Variants in FBXW11 observed in about 807,000 individuals in gnomAD.
FBXW11 encodes the protein F-box/WD repeat-containing protein 11.
A neutral mutation model predicts 77.6 loss-of-function variants in FBXW11; 19 were observed. The observed-to-expected ratio is 0.24, with a 90% CI of 0.17 to 0.36. The LOEUF is 0.36. FBXW11 is among the 10% of genes least tolerant of loss of function. The pLI is 1.00. For missense variants in FBXW11, 334 were observed against 704.2 expected (o/e 0.47, Z 5.95); for synonymous variants, 235 against 249.4 (o/e 0.94, Z 0.54).
intron 1 of FBXW11, among the ~76,000 whole-genome samples, chr5:171,966,381 C>A (rs1764187128): frequency 6.6e-6 from 1 of 152,066 alleles, no homozygotes; most frequent in African/African-American, 2.4e-5. Flanking sequence ...CAACTACCAC[C>A]CATGATTCAA....
intron 2 of FBXW11, among the ~76,000 whole-genome samples, chr5:171,917,032 C>T (rs576411159): frequency 2.6e-5 from 4 of 152,184 alleles, no homozygotes; most frequent in South Asian, 2.1e-4. Flanking sequence ...GCGATTCTCC[C>T]GCCTCAGCCT....
rs778327855 is a variant in FBXW11 at position 171,998,336 on chromosome 5, C to CTTTTTTTTT, written c.45+8113_45+8121dup. 3.8e-3 allele frequency among the ~76,000 whole-genome samples: 436 copies of CTTTTTTTTT among 114,794 alleles called. 39 individuals carry two copies. The highest frequency in any genetic ancestry group is 0.017 in the African/African-American group (416 of 23,996). The allele number at this position is 114,794 out of a possible 152,430, so 75.3% of individuals were successfully genotyped here. Reference sequence around the variant, plus strand: ...ACAGCCCATGATATTTTTTTCTTGTCTTTTTTTTTTTTTTTTTAAGTAGAG... The same window carrying CTTTTTTTTT: ...ACAGCCCATGATATTTTTTTCTTGTCTTTTTTTTTTTTTTTTTTTTTTTTTTAAGTAGAG... On this transcript the variant is annotated intron_variant, in intron 1 of 13. Transcript: ENST00000517395.
chr5:171,894,687 T>G (rs1759617465), intron 6 of FBXW11, among the ~76,000 whole-genome samples: 1 of 55,062 alleles, frequency 1.8e-5, no homozygotes, highest in Admixed American at 2.9e-4. Flanking sequence ...ATAACCCAGG[T>G]CTTTTTTTTT....
intron 6 of FBXW11, among the ~76,000 whole-genome samples, chr5:171,895,256 T>G (rs1759665441): frequency 6.6e-6 from 1 of 152,220 alleles, no homozygotes; most frequent in African/African-American, 2.4e-5. Context: ...TTCAAAATAC[T>G]GGGAAAGTAG....
At chr5:171,989,130 T>C (rs1402267341) in intron 1 of FBXW11, among the ~76,000 whole-genome samples, 1 of 152,038 alleles carries the variant, frequency 6.6e-6, no homozygotes, top group African/African-American at 2.4e-5. Flanking sequence ...TGAACTGAAA[T>C]TGCACCACTG....
chr5:171,960,113 C>A (rs951363315), intron 1 of FBXW11, among the ~76,000 whole-genome samples: 1 of 152,160 alleles, frequency 6.6e-6, no homozygotes, highest in Non-Finnish European at 1.5e-5. Flanking sequence ...AGGTGGCTCA[C>A]GCCTATAGCC....
At chr5:171,996,165 C>A (rs1051596727) in intron 1 of FBXW11, among the ~76,000 whole-genome samples, 1 of 152,170 alleles carries the variant, frequency 6.6e-6, no homozygotes, top group African/African-American at 2.4e-5. Flanking sequence ...AGACGACCTG[C>A]CAAGAGACCT....
chr5:171,864,453 T>C (rs1757260638), intron 13 of FBXW11, among the ~76,000 whole-genome samples: 1 of 152,214 alleles, frequency 6.6e-6, no homozygotes, highest in African/African-American at 2.4e-5. Context: ...TCTGAAAAAG[T>C]ACACATATAA....
At chr5:172,005,977 T>TG (rs1766734771) in intron 1 of FBXW11, among the ~76,000 whole-genome samples, 2 of 151,330 alleles carry the variant, frequency 1.3e-5, no homozygotes, top group South Asian at 4.2e-4. Flanking sequence ...GGCTGGGGAG[T>TG]GGGTGCTGAG....
chr5:171,907,943 T>G (rs1581182873), intron 4 of FBXW11, among the ~76,000 whole-genome samples: 1 of 152,084 alleles, frequency 6.6e-6, no homozygotes, highest in Admixed American at 6.5e-5. Context: ...AAATACAAGG[T>G]GAGTTCCCTG....
chr5:171,963,304 G>A (rs1488734961), intron 1 of FBXW11, among the ~76,000 whole-genome samples: 1 of 151,922 alleles, frequency 6.6e-6, no homozygotes, highest in Admixed American at 6.6e-5. Context: ...GGCAGCCAGG[G>A]GAAAAAGAGA....
rs1210550019 is a variant in FBXW11 at position 171,870,697 on chromosome 5, TTTC to T, written c.1451+48_1451+50del. 2.2e-6 allele frequency: 3 copies of T among 1,377,770 alleles called. No homozygotes were observed. The South Asian group carries it at 3.5e-5, about 16-fold the overall frequency. The allele number at this position is 1,377,770 out of a possible 1,614,324, so 85.3% of individuals were successfully genotyped here. A position where few individuals can be genotyped will look rare whatever the true frequency, so the allele number is the denominator to read the frequency against. On this transcript the variant is annotated intron_variant, in intron 11 of 13. Transcript: ENST00000517395. ...AGTTGCTTAATATATAACATTTCTC[TTTC>T]TTCTTGATACAGTTATAGCAGTACA...
intron 1 of FBXW11, among the ~76,000 whole-genome samples, chr5:171,976,103 A>G (rs1038288326): frequency 3.3e-5 from 5 of 152,172 alleles, no homozygotes; most frequent in Admixed American, 1.3e-4. Flanking sequence ...GGAAGGCAGC[A>G]GTTAAGGCCA....
At chr5:171,961,077 T>C (rs375672797) in intron 1 of FBXW11, among the ~76,000 whole-genome samples, 2 of 152,204 alleles carry the variant, frequency 1.3e-5, no homozygotes, top group South Asian at 2.1e-4. Context: ...TCCTACACAA[T>C]AGACATTACT....
rs1491338650 is a variant in FBXW11 at position 171,878,593 on chromosome 5, A to AGTGT, written c.853-465_853-464insACAC. On this transcript the variant is annotated intron_variant, in intron 7 of 13. Coordinates refer to ENST00000517395, the MANE Select transcript of FBXW11 (RefSeq NM_001378974.1). ...GTGTGTGTGTGTGTGTGTGTGTGTAAGAGAGAGAGAGTGTGTGTGTGTGTG... is the reference window on the plus strand; with the variant it reads ...GTGTGTGTGTGTGTGTGTGTGTGTAAGTGTGAGAGAGAGAGTGTGTGTGTGTGTG... Among the ~76,000 whole-genome samples, 245 of 59,532 alleles carry AGTGT rather than the reference A, an allele frequency of 4.1e-3. 1 individual carries two copies. The Middle Eastern group carries it at 0.055, about 13-fold the overall frequency. 39.1% of individuals were successfully genotyped at this position (59,532 alleles called of 152,430 possible). A position where few individuals can be genotyped will look rare whatever the true frequency, so the allele number is the denominator to read the frequency against.
intron 10 of FBXW11, among the ~76,000 whole-genome samples, chr5:171,871,989 A>G (rs1021074499): frequency 2.0e-5 from 3 of 152,262 alleles, no homozygotes; most frequent in African/African-American, 4.8e-5. Flanking sequence ...CATGATGAAT[A>G]TAAGAGAATC....
chr5:171,926,200 T>C (rs867153059), intron 2 of FBXW11, among the ~76,000 whole-genome samples: 1 of 152,170 alleles, frequency 6.6e-6, no homozygotes, highest in Non-Finnish European at 1.5e-5. Flanking sequence ...ACCCCAGATA[T>C]ATATGCTGTG....
chr5:171,967,883 T>TAC (rs59469025), intron 1 of FBXW11, among the ~76,000 whole-genome samples: 1,469 of 74,796 alleles, frequency 0.02, 16 homozygotes, highest in Non-Finnish European at 0.028. Context: ...TATATATATA[T>TAC]ACACACACAC....
chr5:171,889,813 G>A (rs1017227173), intron 7 of FBXW11, among the ~76,000 whole-genome samples: 2 of 151,460 alleles, frequency 1.3e-5, no homozygotes, highest in African/African-American at 4.9e-5. Flanking sequence ...GCTCAAACCC[G>A]GGAGGCGGAG....
Sources: gnomAD v4.1 joint callset for allele counts (sites outside exome capture counted in the v4.1 genomes callset) on GRCh38, gnomAD v4.1.1 for gene constraint, MANE v1.5 for transcripts, NCBI Gene and HGNC (gene_info 2026-07-23, HGNC 2026-07-21) for gene names.